The following LUZP2 variants were observed in gnomAD, a reference collection of about 807,000 sequenced individuals.
The protein encoded by LUZP2 is leucine zipper protein 2.
LUZP2 carries 52 observed loss-of-function variants against 51.6 expected under a neutral mutation model. That is an observed-to-expected ratio of 1.01 (90% CI 0.81 to 1.27). The LOEUF (loss-of-function observed/expected upper bound fraction) is 1.27. Among genes scored for constraint, LUZP2 ranks in the 50% most tolerant of loss-of-function variants. The probability of loss-of-function intolerance (pLI) is 0.00; values close to 1 mark genes in which losing one functional copy is unlikely to be tolerated. For missense variants in LUZP2, 436 were observed against 395.4 expected, an observed-to-expected ratio of 1.10 and a Z score of -0.87; for synonymous variants, 154 against 137.3, an observed-to-expected ratio of 1.12 and a Z score of -0.85.
rs533639851 is a variant in LUZP2, at chr11:24,688,025, C to T, written c.63-41144C>T. On this transcript the variant is annotated intron_variant, in intron 1 of 11. Coordinates refer to ENST00000336930, the MANE Select transcript of LUZP2 (RefSeq NM_001009909.4). Reference sequence around the variant, plus strand: ...TCTGGCTCTCTGTCTCTCTTTCTCTCTCTCTCTCTGTCTCTGCCAAACAAT... The same window carrying T: ...TCTGGCTCTCTGTCTCTCTTTCTCTTTCTCTCTCTGTCTCTGCCAAACAAT... Among the ~76,000 whole-genome samples the T allele has an allele frequency of 6.7e-4, 102 of 152,206 alleles. 1 individual carries two copies. The highest frequency in any genetic ancestry group is 2.3e-3 in the African/African-American group (97 of 41,546).
chr11:24,956,023 C>T (rs1187858060), intron 7 of LUZP2, among the ~76,000 whole-genome samples: 8 of 151,858 alleles, frequency 5.3e-5, no homozygotes, highest in Admixed American at 5.2e-4. Context: ...GCAATCTAGT[C>T]AAGGGTGGAA....
At chr11:24,980,301 G>C (rs1855990811) in intron 8 of LUZP2, among the ~76,000 whole-genome samples, 1 of 151,564 alleles carries the variant, frequency 6.6e-6, no homozygotes, top group Admixed American at 6.6e-5. Flanking sequence ...TCTGAGAAAA[G>C]TACTAACACA....
chr11:25,015,869 G>A (rs1486256501), intron 9 of LUZP2, among the ~76,000 whole-genome samples: 4 of 150,468 alleles, frequency 2.7e-5, no homozygotes, highest in East Asian at 3.9e-4. Context: ...TTACATGAAC[G>A]AATTGTATAG....
intron 8 of LUZP2, among the ~76,000 whole-genome samples, chr11:24,977,176 A>G (rs928104362): frequency 1.5e-4 from 23 of 151,840 alleles, no homozygotes; most frequent in African/African-American, 5.1e-4. Context: ...TGTTTACTGT[A>G]AGATAATTAA....
At chr11:24,824,513 C>T (rs1850467754) in intron 5 of LUZP2, among the ~76,000 whole-genome samples, 2 of 151,280 alleles carry the variant, frequency 1.3e-5, no homozygotes, top group East Asian at 2.0e-4. Flanking sequence ...GGTTTTTATT[C>T]TATCTTAATA....
At chr11:24,738,089 C>G (rs1859008914) in intron 3 of LUZP2, 132 bp from the exon 4 acceptor site, 2 of 536,418 alleles carry the variant, frequency 3.7e-6, no homozygotes, top group South Asian at 3.3e-5. Context: ...GTATGCTTAA[C>G]TGTGGCTTTA....
intron 10 of LUZP2, among the ~76,000 whole-genome samples, chr11:25,055,276 TG>T (rs1858651205): frequency 6.6e-6 from 1 of 152,118 alleles, no homozygotes; most frequent in African/African-American, 2.4e-5. Context: ...CCCAAAGTGC[TG>T]GGATTACAGG....
chr11:24,676,631 G>C (rs1021762973), intron 1 of LUZP2, among the ~76,000 whole-genome samples: 2 of 151,946 alleles, frequency 1.3e-5, no homozygotes, highest in African/African-American at 4.8e-5. Flanking sequence ...CCTTGATTAA[G>C]CCTCTCATAA....
chr11:24,992,345 G>T (rs1345154511), intron 9 of LUZP2, among the ~76,000 whole-genome samples: 1 of 152,074 alleles, frequency 6.6e-6, no homozygotes, highest in Non-Finnish European at 1.5e-5. Context: ...AATTGTGTGT[G>T]TATGTGTCTG....
At chr11:24,966,377 T>G (rs1221111730) in intron 7 of LUZP2, among the ~76,000 whole-genome samples, 2 of 151,192 alleles carry the variant, frequency 1.3e-5, no homozygotes, top group Non-Finnish European at 3.0e-5. Context: ...CTCTCTGTAG[T>G]GTCTATTGAA....
At chr11:24,810,693 A>G (rs1849993061) in intron 5 of LUZP2, among the ~76,000 whole-genome samples, 1 of 152,214 alleles carries the variant, frequency 6.6e-6, no homozygotes. Flanking sequence ...AGCAGGGAAC[A>G]AGGAGTTACT....
intron 1 of LUZP2, among the ~76,000 whole-genome samples, chr11:24,619,005 ATTATTTATTTATTTATTTAT>A (rs66554611): frequency 6.2e-5 from 9 of 144,036 alleles, no homozygotes; most frequent in South Asian, 2.3e-4. Flanking sequence ...ACCACTTAGC[ATTATTTATTTATTTATTTAT>A]TTATTTATTT....
intron 1 of LUZP2, among the ~76,000 whole-genome samples, chr11:24,724,977 G>A (rs1858418376): frequency 6.6e-6 from 1 of 152,090 alleles, no homozygotes; most frequent in Admixed American, 6.5e-5. Flanking sequence ...AAACATACTG[G>A]CATAATAAAT....
chr11:24,501,776 A>G (rs1438850843), intron 1 of LUZP2, among the ~76,000 whole-genome samples: 1 of 152,210 alleles, frequency 6.6e-6, no homozygotes, highest in Admixed American at 6.5e-5. Context: ...AGTTATGTAT[A>G]TCCATAATCT....
At chr11:24,511,388 C>T (rs1995838) in intron 1 of LUZP2, among the ~76,000 whole-genome samples, 1 of 151,558 alleles carries the variant, frequency 6.6e-6, no homozygotes, top group Non-Finnish European at 1.5e-5. Context: ...TCTGTCGCTA[C>T]AATTTTTTTA....
chr11:24,597,682 G>T (rs1053837864), intron 1 of LUZP2, among the ~76,000 whole-genome samples: 2 of 152,088 alleles, frequency 1.3e-5, no homozygotes, highest in African/African-American at 4.8e-5. Context: ...ATAAAAGTGC[G>T]TTTTTCTTGC....
At position 24,958,529 on chromosome 11, in the gene LUZP2, T is replaced by C. The variant is rs1338062301; in HGVS notation, c.523-18062T>C. The stretch of plus-strand genomic sequence containing the variant: ...TGATGATGAGCATTTTTTCATGTGT[T>C]TTTTGGCTGCATAAATGTCTTCTTT... On this transcript the variant is annotated intron_variant, in intron 7 of 11. Coordinates refer to ENST00000336930, the MANE Select transcript of LUZP2 (RefSeq NM_001009909.4). Among the ~76,000 whole-genome samples, 28 of 151,834 alleles carry C rather than the reference T, an allele frequency of 1.8e-4. No individual in the cohort carries two copies. The East Asian group carries it at 3.9e-3, about 21-fold the overall frequency.
chr11:25,010,036 A>G (rs926921617), intron 9 of LUZP2, among the ~76,000 whole-genome samples: 4 of 152,190 alleles, frequency 2.6e-5, no homozygotes, highest in East Asian at 1.9e-4. Context: ...AAAGTACATT[A>G]GTTTGTTAAC....
At chr11:24,587,759 G>A (rs977517482) in intron 1 of LUZP2, among the ~76,000 whole-genome samples, 3 of 152,036 alleles carry the variant, frequency 2.0e-5, no homozygotes, top group South Asian at 2.1e-4. Flanking sequence ...CTGACTTTAA[G>A]AGTTTTTCAG....
Sources: allele counts gnomAD v4.1 joint callset (sites outside exome capture counted in the v4.1 genomes callset), GRCh38; gene constraint gnomAD v4.1.1; transcripts MANE v1.5; gene names NCBI Gene and HGNC (gene_info 2026-07-23, HGNC 2026-07-21).